Variants in NKAIN2 observed in about 807,000 individuals in gnomAD.
NKAIN2 encodes the protein sodium/potassium transporting ATPase interacting 2, also known as sodium/potassium-transporting ATPase subunit beta-1-interacting protein 2.
NKAIN2 carries 14 observed loss-of-function variants against 32.6 expected under a neutral mutation model. That is an observed-to-expected ratio of 0.43 (90% CI 0.28 to 0.67). The LOEUF (loss-of-function observed/expected upper bound fraction) is 0.67. NKAIN2 is among the 30% of genes least tolerant of loss of function. The pLI is 0.17. For missense variants in NKAIN2, 198 were observed against 258.3 expected (o/e 0.77, Z 1.60); for synonymous variants, 80 against 87.2 (o/e 0.92, Z 0.46).
chr6:124,731,778 T>C (rs1776691737), intron 4 of NKAIN2, among the ~76,000 whole-genome samples: 3 of 152,080 alleles, frequency 2.0e-5, no homozygotes, highest in South Asian at 4.1e-4. Context: ...ATCATAGCTA[T>C]TGCTACTCAT....
chr6:124,758,696 G>A (rs910599397), intron 4 of NKAIN2, among the ~76,000 whole-genome samples: 6 of 152,080 alleles, frequency 3.9e-5, no homozygotes, highest in African/African-American at 1.2e-4. Context: ...TTAAGTTACA[G>A]CTTCAATTGG....
chr6:124,132,750 T>C (rs773898354), intron 1 of NKAIN2, among the ~76,000 whole-genome samples: 4 of 152,196 alleles, frequency 2.6e-5, no homozygotes, highest in Non-Finnish European at 5.9e-5. Context: ...TATCCACAGC[T>C]AGGAGACCTG....
At chr6:124,546,046 G>A (rs928617599) in intron 3 of NKAIN2, among the ~76,000 whole-genome samples, 8 of 152,016 alleles carry the variant, frequency 5.3e-5, no homozygotes, top group South Asian at 2.1e-4. Context: ...TTTTGTTTCC[G>A]TATTTCTTTT....
intron 1 of NKAIN2, among the ~76,000 whole-genome samples, chr6:123,978,790 A>G (rs1239707634): frequency 3.3e-5 from 5 of 152,170 alleles, no homozygotes; most frequent in Admixed American, 3.3e-4. Flanking sequence ...CATGCAAAGT[A>G]TATTGTCAAT....
At chr6:124,302,111 G>T (rs902076187) in intron 2 of NKAIN2, among the ~76,000 whole-genome samples, 1 of 152,162 alleles carries the variant, frequency 6.6e-6, no homozygotes, top group Admixed American at 6.5e-5. Flanking sequence ...TGGTGGTAGT[G>T]AATAAGTCTC....
intron 3 of NKAIN2, among the ~76,000 whole-genome samples, chr6:124,446,137 T>G (rs1257481543): frequency 6.6e-6 from 1 of 152,092 alleles, no homozygotes; most frequent in Non-Finnish European, 1.5e-5. Context: ...TGTTTATTAT[T>G]TTACTCTCAT....
chr6:124,318,321 AT>A (rs572955013), intron 2 of NKAIN2, among the ~76,000 whole-genome samples: 29 of 149,686 alleles, frequency 1.9e-4, no homozygotes, highest in African/African-American at 4.9e-4. Flanking sequence ...TCAGCTACTG[AT>A]TTTTTTTTTA....
chr6:124,021,451 T>G (rs1018412040), intron 1 of NKAIN2, among the ~76,000 whole-genome samples: 1 of 151,960 alleles, frequency 6.6e-6, no homozygotes, highest in Non-Finnish European at 1.5e-5. Context: ...CTATATTAAG[T>G]CCTTTCAATT....
chr6:124,449,822 G>A (rs1477436938), intron 3 of NKAIN2, among the ~76,000 whole-genome samples: 3 of 152,106 alleles, frequency 2.0e-5, no homozygotes, highest in Non-Finnish European at 4.4e-5. Flanking sequence ...TGACCAAAGG[G>A]GTGGAGCTGT....
In NKAIN2 at chr6:124,215,849, G is replaced by A. The variant is rs142400704; in HGVS notation, c.55-67156G>A. 4.6e-3 allele frequency among the ~76,000 whole-genome samples: 704 copies of A among 152,282 alleles called. 6 individuals are homozygous for A. The highest frequency in any genetic ancestry group is 0.016 in the African/African-American group (672 of 41,562). ...AAAGATAGTCCTGGCCGGATGCAGTGGCTGACGCCTGTAATCCCAGCACTT... is the reference window on the plus strand; with the variant it reads ...AAAGATAGTCCTGGCCGGATGCAGTAGCTGACGCCTGTAATCCCAGCACTT... On this transcript the variant is annotated intron_variant, in intron 1 of 6. Coordinates refer to ENST00000368417, the MANE Select transcript of NKAIN2 (RefSeq NM_001040214.3).
In NKAIN2 at chr6:124,169,200, T is replaced by G. The variant is rs891691835; in HGVS notation, c.55-113805T>G. ...CATTACTTAATGATAAATTTCTGTG[T>G]TTTTTTCTAGTATTATCTTGCTGAT... On this transcript the variant is annotated intron_variant, in intron 1 of 6. Transcript: ENST00000368417. Among the ~76,000 whole-genome samples, 15 of 152,232 alleles carry G rather than the reference T, an allele frequency of 9.9e-5. No homozygotes were observed. In the East Asian group the frequency reaches 2.7e-3, roughly 27 times the overall value.
chr6:123,883,673 C>A, intron 1 of NKAIN2, among the ~76,000 whole-genome samples: 1 of 139,434 alleles, frequency 7.2e-6, no homozygotes. Context: ...TTTTAAAAAA[C>A]CTCTTTAAAA....
chr6:124,747,801 T>A (rs568582123), intron 4 of NKAIN2, among the ~76,000 whole-genome samples: 3 of 151,908 alleles, frequency 2.0e-5, no homozygotes, highest in African/African-American at 7.2e-5. Flanking sequence ...TATTCTTATA[T>A]TTTTTATAAT....
At chr6:124,479,733 G>A (rs1329025144) in intron 3 of NKAIN2, among the ~76,000 whole-genome samples, 1 of 151,836 alleles carries the variant, frequency 6.6e-6, no homozygotes, top group African/African-American at 2.4e-5. Flanking sequence ...GCCTATAGTC[G>A]CATACAACTT....
chr6:123,985,669 G>A (rs1779103924), intron 1 of NKAIN2, among the ~76,000 whole-genome samples: 1 of 152,134 alleles, frequency 6.6e-6, no homozygotes, highest in African/African-American at 2.4e-5. Flanking sequence ...ACACAACATA[G>A]TGGCAAAGAG....
chr6:124,337,215 C>A (rs530243565), intron 2 of NKAIN2, among the ~76,000 whole-genome samples: 1 of 152,080 alleles, frequency 6.6e-6, no homozygotes, highest in Non-Finnish European at 1.5e-5. Context: ...AAAAAATACT[C>A]GCTGGGTGTG....
intron 1 of NKAIN2, among the ~76,000 whole-genome samples, chr6:124,207,464 A>C (rs985908781): frequency 6.7e-6 from 1 of 150,138 alleles, no homozygotes; most frequent in Non-Finnish European, 1.5e-5. Context: ...TTTCCATACT[A>C]GATAGTTACA....
intron 1 of NKAIN2, among the ~76,000 whole-genome samples, chr6:124,211,221 T>G (rs1196322050): frequency 6.6e-6 from 1 of 151,898 alleles, no homozygotes; most frequent in Non-Finnish European, 1.5e-5. Flanking sequence ...CTTGGATTTT[T>G]TCCTTCCTCA....
intron 2 of NKAIN2, among the ~76,000 whole-genome samples, chr6:124,341,862 T>A (rs1447069118): frequency 3.9e-5 from 6 of 152,210 alleles, no homozygotes; most frequent in South Asian, 2.1e-4. Flanking sequence ...AAGATTTACA[T>A]CGTAATGTAG....
Sources: allele counts gnomAD v4.1 joint callset (sites outside exome capture counted in the v4.1 genomes callset), GRCh38; gene constraint gnomAD v4.1.1; transcripts MANE v1.5; gene names NCBI Gene and HGNC (gene_info 2026-07-23, HGNC 2026-07-21).